The following USP35 variants were observed in gnomAD, a reference collection of about 807,000 sequenced individuals.
USP35 encodes the protein ubiquitin specific peptidase 35, also known as ubiquitin carboxyl-terminal hydrolase 35.
A neutral mutation model predicts 83.8 loss-of-function variants in USP35; 69 were observed. The observed-to-expected ratio is 0.82, with a 90% CI of 0.68 to 1.01. USP35 has a LOEUF of 1.01. USP35 is among the 50% of genes least tolerant of loss of function. The pLI is 0.00. For synonymous variants in USP35, 714 were observed against 589.5 expected (o/e 1.21, Z -3.06); for missense variants, 1,503 against 1,362.5 (o/e 1.10, Z -1.62).
intron 1 of USP35, among the ~76,000 whole-genome samples, chr11:78,189,995 G>T (rs773559445): frequency 2.0e-5 from 3 of 152,150 alleles, no homozygotes; most frequent in African/African-American, 7.2e-5. Context: ...ACCTGGTGTC[G>T]GGAGGGGCAG....
chr11:78,233,881 G>A, the USP35 span, among the ~76,000 whole-genome samples: 4 of 152,244 alleles, frequency 2.6e-5, no homozygotes, highest in South Asian at 8.3e-4. Flanking sequence ...AAAGTGCTGA[G>A]ATTACAGGCG....
rs77171344 is a variant in USP35 at position 78,209,763 on chromosome 11, C to T, written c.1908C>T (p.Gly636=). The T allele has an allele frequency of 1.2e-6, 2 of 1,614,036 alleles. No homozygotes were observed. Among genetic ancestry groups the T allele is most frequent in the East Asian group, 2.2e-5 (1 of 44,876 alleles). Residue 636 remains glycine, a synonymous_variant, in exon 10 of 11, where the codon GGC becomes GGT. Coordinates refer to ENST00000529308, the MANE Select transcript of USP35 (RefSeq NM_020798.4). ...LPPPTSAQGP[G]RVGPRRQRKH... The stretch of plus-strand genomic sequence containing the variant: ...CACCAACCAGTGCACAGGGGCCAGG[C>T]AGGGTGGGTCCTCGGAGGCAAAGGA...
the USP35 span, among the ~76,000 whole-genome samples, chr11:78,229,378 A>AAAG: frequency 6.6e-6 from 1 of 152,216 alleles, no homozygotes; most frequent in Non-Finnish European, 1.5e-5. Context: ...AGGCCAGGCC[A>AAAG]GGACTAAAGG....
intron 10 of USP35, 60 bp from the exon 11 acceptor site, chr11:78,213,586 C>T: frequency 1.4e-6 from 2 of 1,429,932 alleles, no homozygotes; most frequent in Non-Finnish European, 1.8e-6. Context: ...GCTGGGTAGA[C>T]TCACTCTGGC....
At chr11:78,222,411 T>C in the USP35 span, among the ~76,000 whole-genome samples, 7 of 152,144 alleles carry the variant, frequency 4.6e-5, no homozygotes, top group East Asian at 9.6e-4. Context: ...TTCTTTCTGC[T>C]GTATCTATGG....
Position 78,209,569 on chromosome 11 carries a change from G to A in USP35, c.1714G>A (p.Gly572Ser), listed in dbSNP as rs1014243347. 1 of 1,614,132 alleles carries A rather than the reference G, an allele frequency of 6.2e-7. No individual in the cohort carries two copies. Among genetic ancestry groups the A allele is most frequent in the East Asian group, 2.2e-5 (1 of 44,866 alleles). The change falls in exon 10 of 11, where the codon GGC becomes AGC. Residue 572 changes from glycine (G) to serine (S), a missense_variant. Gly to Ser is a moderately conservative substitution (Grantham distance 56, BLOSUM62 0). Coordinates refer to ENST00000529308, the MANE Select transcript of USP35 (RefSeq NM_020798.4). ...SSTSVEKMFGGKIVTRICCLC... is the reference protein window; with the variant it reads ...SSTSVEKMFGSKIVTRICCLC... ...AACCTCTGTGGAAAAAATGTTTGGA[G>A]GCAAGATAGTGACTCGGATCTGCTG...
rs143938274 is a variant in USP35, at chr11:78,200,455, G to A, written c.1039-195G>A. Among the ~76,000 whole-genome samples the A allele has an allele frequency of 3.5e-3, 528 of 152,346 alleles. 9 individuals carry two copies. The highest frequency in any genetic ancestry group is 0.02 in the Middle Eastern group (6 of 294). On this transcript the variant is annotated intron_variant, in intron 5 of 10. Coordinates refer to ENST00000529308, the MANE Select transcript of USP35 (RefSeq NM_020798.4). ...TTGCAGATGAAGAAACTGAGGCAGG[G>A]TGTCTTAGATCATATTGTTGGGAAA...
chr11:78,200,095 T>C, intron 4 of USP35, 38 bp from the exon 5 acceptor site: 1 of 1,610,038 alleles, frequency 6.2e-7, no homozygotes. Flanking sequence ...CCTCAGCAGC[T>C]CAAGCCTGGG....
chr11:78,228,629 G>A, the USP35 span, among the ~76,000 whole-genome samples: 2 of 152,152 alleles, frequency 1.3e-5, no homozygotes. Flanking sequence ...GTAAAGCCAG[G>A]CTTCCTCTCA....
chr11:78,216,558 G>A (rs561969906), downstream of USP35: 3 of 152,278 alleles, frequency 2.0e-5, no homozygotes, highest in African/African-American at 7.2e-5. Context: ...ACTTGCACCC[G>A]AGGGATTTTG....
chr11:78,199,477 C>T, intron 3 of USP35, 118 bp from the exon 4 acceptor site: 1 of 1,487,050 alleles, frequency 6.7e-7, no homozygotes, highest in South Asian at 1.3e-5. Context: ...CCGGGGCTGC[C>T]CTTTGCAGGT....
At chr11:78,228,201 G>A in the USP35 span, among the ~76,000 whole-genome samples, 5 of 152,312 alleles carry the variant, frequency 3.3e-5, no homozygotes, top group South Asian at 8.3e-4. Flanking sequence ...TTTCACAAGA[G>A]TGGTTTTCAA....
chr11:78,227,048 A>C, the USP35 span: 1 of 1,603,242 alleles, frequency 6.2e-7, no homozygotes, highest in Non-Finnish European at 8.5e-7. Flanking sequence ...AGAAGCTGGC[A>C]CTCCTAAAAG....
At position 78,214,114 on chromosome 11, in the gene USP35, A is replaced by AT; in HGVS notation, c.*301_*302insT. 1 of 308,372 alleles carries AT rather than the reference A, an allele frequency of 3.2e-6. No homozygotes were observed. Among genetic ancestry groups the AT allele is most frequent in the African/African-American group, 2.2e-5 (1 of 45,596 alleles). The allele number at this position is 308,372 out of a possible 1,614,324, so 19.1% of individuals were successfully genotyped here. ...TTCCCTAGCAGGCTCCCCATGCGGGAAGATCTGATGATGTTCAGGAAACAG... is the reference window on the plus strand; with the variant it reads ...TTCCCTAGCAGGCTCCCCATGCGGGATAGATCTGATGATGTTCAGGAAACAG... On this transcript the variant is annotated 3_prime_UTR_variant, in exon 11 of 11. Coordinates refer to ENST00000529308, the MANE Select transcript of USP35 (RefSeq NM_020798.4).
chr11:78,226,415 CCT>C, the USP35 span: 1 of 1,408,324 alleles, frequency 7.1e-7, no homozygotes, highest in South Asian at 1.2e-5. Context: ...ATTGAGAACC[CCT>C]GTGTTACCTC....
At chr11:78,215,816 C>T (rs1313575681), downstream of USP35, 1 of 152,664 alleles carries the variant, frequency 6.6e-6, no homozygotes, top group African/African-American at 2.4e-5. Flanking sequence ...TCTGGCTTCC[C>T]CTGCATTTTA....
chr11:78,228,090 C>G, the USP35 span, among the ~76,000 whole-genome samples: 1 of 152,310 alleles, frequency 6.6e-6, no homozygotes, highest in South Asian at 2.1e-4. Context: ...GCTACTGATA[C>G]GTGCTGTGTG....
chr11:78,235,475 G>A, the USP35 span, among the ~76,000 whole-genome samples: 1 of 152,146 alleles, frequency 6.6e-6, no homozygotes, highest in Non-Finnish European at 1.5e-5. Context: ...CTATCACATC[G>A]TCAGGTGGCA....
intron 4 of USP35, 90 bp downstream of exon 4, chr11:78,199,814 G>T (rs1263502060): frequency 6.3e-7 from 1 of 1,587,682 alleles, no homozygotes; most frequent in East Asian, 2.2e-5. Context: ...AGAGCATTGG[G>T]CCTACCCACC....
Sources: allele counts gnomAD v4.1 joint callset (sites outside exome capture counted in the v4.1 genomes callset), GRCh38; gene constraint gnomAD v4.1.1; transcripts MANE v1.5; gene names NCBI Gene and HGNC (gene_info 2026-07-23, HGNC 2026-07-21).